Variants in TAFA1 observed in about 807,000 individuals in gnomAD.
TAFA1 encodes chemokine-like protein TAFA-1.
In TAFA1, 4 loss-of-function variants were observed where a neutral mutation model predicts 18.5. The ratio of observed to expected loss-of-function variants is 0.22; its 90% confidence interval spans 0.11 to 0.49. The LOEUF is 0.49. Ranked by LOEUF, TAFA1 falls within the 20% of genes least tolerant of loss-of-function variation. The pLI is 0.98. For missense variants in TAFA1, 147 were observed against 169.0 expected, an observed-to-expected ratio of 0.87 and a Z score of 0.72; for synonymous variants, 56 against 55.2, an observed-to-expected ratio of 1.01 and a Z score of -0.06.
chr3:68,033,538 C>T (rs1330626420), intron 2 of TAFA1, among the ~76,000 whole-genome samples: 1 of 152,138 alleles, frequency 6.6e-6, no homozygotes, highest in East Asian at 1.9e-4. Flanking sequence ...CATTCTCCAT[C>T]CAATTTCAAT....
intron 2 of TAFA1, among the ~76,000 whole-genome samples, chr3:68,181,293 C>T (rs1353972554): frequency 6.7e-6 from 1 of 150,120 alleles, no homozygotes; most frequent in East Asian, 2.0e-4. Context: ...TTTTAAGCTG[C>T]TGAAATTTAG....
intron 2 of TAFA1, among the ~76,000 whole-genome samples, chr3:68,335,831 C>T (rs1202287986): frequency 6.6e-6 from 1 of 152,174 alleles, no homozygotes; most frequent in East Asian, 1.9e-4. Flanking sequence ...GAAAATCTCA[C>T]GATATTACTG....
intron 2 of TAFA1, among the ~76,000 whole-genome samples, chr3:68,054,925 C>T (rs985137016): frequency 4.6e-5 from 7 of 152,110 alleles, no homozygotes; most frequent in Non-Finnish European, 8.8e-5. Flanking sequence ...TCTAGTACTA[C>T]GTATGTTTGT....
intron 3 of TAFA1, among the ~76,000 whole-genome samples, chr3:68,463,614 C>T (rs80054704): frequency 0.01 from 1,596 of 152,214 alleles, 35 homozygotes; most frequent in African/African-American, 0.036. Context: ...TGATCCATGT[C>T]CTGTGTTCCA....
chr3:68,092,208 G>A (rs1013859922), intron 2 of TAFA1, among the ~76,000 whole-genome samples: 1 of 152,012 alleles, frequency 6.6e-6, no homozygotes, highest in African/African-American at 2.4e-5. Flanking sequence ...TGGCTTGAGA[G>A]CATTAATGAA....
At chr3:68,015,921 C>CT (rs1308369958) in intron 2 of TAFA1, among the ~76,000 whole-genome samples, 1 of 152,122 alleles carries the variant, frequency 6.6e-6, no homozygotes, top group African/African-American at 2.4e-5. Flanking sequence ...CTTTAACTGG[C>CT]TGTCAGCTCT....
At chr3:68,151,118 C>T (rs1244068576) in intron 2 of TAFA1, among the ~76,000 whole-genome samples, 2 of 151,992 alleles carry the variant, frequency 1.3e-5, no homozygotes, top group Non-Finnish European at 2.9e-5. Flanking sequence ...AGACTTATAC[C>T]TCACACAGCT....
intron 2 of TAFA1, among the ~76,000 whole-genome samples, chr3:68,411,723 T>C (rs931266754): frequency 2.0e-5 from 3 of 152,176 alleles, no homozygotes; most frequent in Non-Finnish European, 4.4e-5. Flanking sequence ...GGATAATCCA[T>C]AAAGTCCCAC....
chr3:68,446,904 C>A (rs1037404017), intron 3 of TAFA1, among the ~76,000 whole-genome samples: 1 of 152,142 alleles, frequency 6.6e-6, no homozygotes, highest in South Asian at 2.1e-4. Flanking sequence ...AGATCTGTAT[C>A]AATCCAGTGA....
At chr3:68,121,697 T>C in intron 2 of TAFA1, among the ~76,000 whole-genome samples, 1 of 152,190 alleles carries the variant, frequency 6.6e-6, no homozygotes, top group Non-Finnish European at 1.5e-5. Flanking sequence ...ATGTACATAA[T>C]TTACTATTTT....
chr3:68,118,584 T>A (rs562425638), intron 2 of TAFA1, among the ~76,000 whole-genome samples: 11 of 152,284 alleles, frequency 7.2e-5, no homozygotes, highest in African/African-American at 2.6e-4. Context: ...TTCTATACAT[T>A]CGACTACTGT....
intron 3 of TAFA1, among the ~76,000 whole-genome samples, chr3:68,478,515 T>C (rs537021989): frequency 1.6e-4 from 25 of 152,242 alleles, no homozygotes; most frequent in Non-Finnish European, 3.1e-4. Flanking sequence ...CATAAGAAGC[T>C]AAAAGTTGAA....
At chr3:68,338,020 G>T (rs2069005157) in intron 2 of TAFA1, among the ~76,000 whole-genome samples, 1 of 152,302 alleles carries the variant, frequency 6.6e-6, no homozygotes, top group East Asian at 1.9e-4. Flanking sequence ...CAAAGCTTAA[G>T]GTTCTTTGGG....
At chr3:68,082,794 T>A (rs1010439831) in intron 2 of TAFA1, among the ~76,000 whole-genome samples, 1 of 152,208 alleles carries the variant, frequency 6.6e-6, no homozygotes, top group Non-Finnish European at 1.5e-5. Flanking sequence ...CTGACACAGT[T>A]TCAGCTACTT....
At chr3:68,139,202 C>A (rs1452401993) in intron 2 of TAFA1, among the ~76,000 whole-genome samples, 1 of 152,096 alleles carries the variant, frequency 6.6e-6, no homozygotes, top group Non-Finnish European at 1.5e-5. Context: ...TTATCTCTTG[C>A]AAACATTGAC....
chr3:68,380,488 T>C (rs1441846808), intron 2 of TAFA1, among the ~76,000 whole-genome samples: 1 of 152,200 alleles, frequency 6.6e-6, no homozygotes, highest in African/African-American at 2.4e-5. Context: ...TATCTCATTG[T>C]GGTTTTGATT....
intron 2 of TAFA1, among the ~76,000 whole-genome samples, chr3:68,076,931 A>C (rs1177095305): frequency 1.8e-4 from 27 of 152,282 alleles, no homozygotes; most frequent in Non-Finnish European, 7.4e-5. Flanking sequence ...CCAACAGTGT[A>C]AAAGTGTTCC....
intron 3 of TAFA1, among the ~76,000 whole-genome samples, chr3:68,500,018 C>T (rs1386319084): frequency 6.6e-6 from 1 of 152,068 alleles, no homozygotes; most frequent in Non-Finnish European, 1.5e-5. Flanking sequence ...GCCATCTGTG[C>T]TCAGTTTCCA....
chr3:68,402,811 T>A (rs1356708464), intron 2 of TAFA1, among the ~76,000 whole-genome samples: 2 of 152,138 alleles, frequency 1.3e-5, no homozygotes, highest in Non-Finnish European at 2.9e-5. Context: ...AAGACATGGA[T>A]TTGAAAGACT....
Sources: gnomAD v4.1 joint callset for allele counts (sites outside exome capture counted in the v4.1 genomes callset) on GRCh38, gnomAD v4.1.1 for gene constraint, MANE v1.5 for transcripts, NCBI Gene and HGNC (gene_info 2026-07-23, HGNC 2026-07-21) for gene names.